Variants in MORF4L2 observed in about 807,000 individuals in gnomAD.
MORF4L2 encodes the protein mortality factor 4-like protein 2.
Under a neutral mutation model 12.0 loss-of-function variants are expected in MORF4L2, and 1 was observed. That is an observed-to-expected ratio of 0.08 (90% CI 0.03 to 0.40). MORF4L2 has a LOEUF of 0.40. MORF4L2 is among the 10% of genes least tolerant of loss of function. MORF4L2 has a pLI of 0.98. For missense variants in MORF4L2, 123 were observed against 214.0 expected, an observed-to-expected ratio of 0.57 and a Z score of 2.65; for synonymous variants, 69 against 81.6, an observed-to-expected ratio of 0.85 and a Z score of 0.83.
intron 2 of MORF4L2, among the ~76,000 whole-genome samples, chrX:103,681,348 CT>C (rs1380825450): frequency 2.7e-5 from 3 of 111,434 alleles, no homozygotes; most frequent in Admixed American, 9.5e-5. Context: ...TAGATTTTTC[CT>C]TTTAAAAAAT....
At chrX:103,687,028 A>G (rs1346857362), upstream of MORF4L2, among the ~76,000 whole-genome samples, 1 of 108,398 alleles carries the variant, frequency 9.2e-6, no homozygotes, top group Non-Finnish European at 1.9e-5. Context: ...ATAAGTCTAC[A>G]GGGCAGAATG....
chrX:103,675,721 G>C lies in MORF4L2; in HGVS notation c.*440C>G, dbSNP rs1170797608. ...AACATAGATGGACTTGCAGAGGATGGGCTGTTTTACTTCAAGCACCATAAA... is the reference window on the plus strand; with the variant it reads ...AACATAGATGGACTTGCAGAGGATGCGCTGTTTTACTTCAAGCACCATAAA... On this transcript the variant is annotated 3_prime_UTR_variant, in exon 4 of 4. Coordinates refer to ENST00000441076, the MANE Select transcript of MORF4L2 (RefSeq NM_012286.3). 1 of 93,911 alleles carries C rather than the reference G, an allele frequency of 1.1e-5. No homozygotes were observed. Among genetic ancestry groups the C allele is most frequent in the Non-Finnish European group, 2.0e-5 (1 of 49,228 alleles). 7.7% of individuals were successfully genotyped at this position (93,911 alleles called of 1,213,427 possible). A position where few individuals can be genotyped will look rare whatever the true frequency, so the allele number is the denominator to read the frequency against.
At chrX:103,687,855 A>G (rs2147712403), upstream of MORF4L2, 1 of 109,366 alleles carries the variant, frequency 9.1e-6, no homozygotes, top group African/African-American at 3.3e-5. Context: ...CCTCCTCCAC[A>G]CCTACCCCCT....
chrX:103,680,258 T>G (rs1221144087), intron 2 of MORF4L2, among the ~76,000 whole-genome samples: 1 of 112,830 alleles, frequency 8.9e-6, no homozygotes, highest in African/African-American at 3.2e-5. Flanking sequence ...GAAAGCCAGT[T>G]ATTGGGAAGA....
chrX:103,680,306 A>G (rs2073960667), intron 2 of MORF4L2, among the ~76,000 whole-genome samples: 1 of 112,987 alleles, frequency 8.9e-6, no homozygotes, highest in African/African-American at 3.2e-5. Flanking sequence ...AGCAAACAAT[A>G]TCCTCTAACT....
At chrX:103,684,370 T>C (rs1337019095) in intron 2 of MORF4L2, among the ~76,000 whole-genome samples, 1 of 111,593 alleles carries the variant, frequency 9.0e-6, no homozygotes, top group Non-Finnish European at 1.9e-5. Context: ...ATTTATAAAT[T>C]TGGTTTGAAC....
intron 2 of MORF4L2, among the ~76,000 whole-genome samples, chrX:103,679,349 CAAA>C (rs35036219): frequency 1.9e-4 from 12 of 63,272 alleles, no homozygotes; most frequent in African/African-American, 3.6e-4. Flanking sequence ...ACTAAAAATA[CAAA>C]AAAAAAAAAA....
chrX:103,677,969 C>A (rs1303699350), intron 3 of MORF4L2, among the ~76,000 whole-genome samples: 1 of 110,933 alleles, frequency 9.0e-6, no homozygotes, highest in African/African-American at 3.3e-5. Context: ...AATGATAATA[C>A]TCCTCCATTT....
intron 2 of MORF4L2, chrX:103,684,553 A>G (rs756398754): frequency 9.2e-6 from 1 of 109,116 alleles, no homozygotes; most frequent in East Asian, 2.8e-4. Flanking sequence ...ATTAATTATT[A>G]TTTTTTTTTT....
intron 1 of MORF4L2, among the ~76,000 whole-genome samples, chrX:103,686,179 G>A (rs1478992112): frequency 9.8e-6 from 1 of 101,959 alleles, no homozygotes; most frequent in Non-Finnish European, 2.0e-5. Context: ...TACAATCTCT[G>A]CTATTTTGAG....
chrX:103,675,932 A>C lies in MORF4L2; in HGVS notation c.*229T>G. 1 of 332,240 alleles carries C rather than the reference A, an allele frequency of 3.0e-6. No homozygotes were observed. Among genetic ancestry groups the C allele is most frequent in the Non-Finnish European group, 5.2e-6 (1 of 193,783 alleles). 27.4% of individuals were successfully genotyped at this position (332,240 alleles called of 1,213,427 possible). A position where few individuals can be genotyped will look rare whatever the true frequency, so the allele number is the denominator to read the frequency against. On this transcript the variant is annotated 3_prime_UTR_variant, in exon 4 of 4. Transcript: ENST00000441076. ...AACTAGGCAATAAAATGTTCTACTGAATGTTTCTTCTTTGTTCTAATTACT... is the reference window on the plus strand; with the variant it reads ...AACTAGGCAATAAAATGTTCTACTGCATGTTTCTTCTTTGTTCTAATTACT...
At chrX:103,681,571 T>C (rs2073985315) in intron 2 of MORF4L2, among the ~76,000 whole-genome samples, 1 of 111,392 alleles carries the variant, frequency 9.0e-6, no homozygotes, top group Non-Finnish European at 1.9e-5. Flanking sequence ...CTTCCTTTTG[T>C]TCCTTTAAGA....
Position 103,676,264 on chromosome X carries a change from T to A in MORF4L2, c.764A>T (p.Tyr255Phe). Reference protein sequence around the residue: ...DEKSLALLLGYLHDFLKYLAK... With the variant: ...DEKSLALLLGFLHDFLKYLAK... The stretch of plus-strand genomic sequence containing the variant: ...CAGATATTTTAGGAAATCATGCAAA[T>A]AGCCCAACAATAATGCAAGGCTTTT... Residue 255 changes from tyrosine (Y) to phenylalanine (F), a missense_variant, in exon 4 of 4, where the codon TAT (tyrosine) becomes TTT (phenylalanine). Transcript: ENST00000441076. 1 of 1,210,934 alleles carries A rather than the reference T, an allele frequency of 8.3e-7. No homozygotes were observed. The highest frequency in any genetic ancestry group is 1.1e-6 in the Non-Finnish European group (1 of 894,986).
chrX:103,687,691 T>G (rs2074148428), upstream of MORF4L2, among the ~76,000 whole-genome samples: 1 of 112,404 alleles, frequency 8.9e-6, no homozygotes, highest in African/African-American at 3.2e-5. Flanking sequence ...ACTGATTTAA[T>G]TACTTTAAAA....
chrX:103,684,357 C>T (rs1432704158), intron 2 of MORF4L2, among the ~76,000 whole-genome samples: 1 of 110,973 alleles, frequency 9.0e-6, no homozygotes, highest in Non-Finnish European at 1.9e-5. Context: ...AAAAGATTTG[C>T]TTATTTATAA....
chrX:103,681,751 T>C lies in MORF4L2; in HGVS notation c.-177-3100A>G, dbSNP rs189303417. 5.7e-3 allele frequency among the ~76,000 whole-genome samples: 635 copies of C among 111,785 alleles called. 9 individuals are homozygous for C. The highest frequency in any genetic ancestry group is 0.02 in the African/African-American group (614 of 30,717). ...TGGGGATCATTTAAAAAATTTTTTT[T>C]CCTTTCATTTTTAAGTTTAAAAATT... is the stretch of plus-strand genomic sequence containing the variant. On this transcript the variant is annotated intron_variant, in intron 2 of 3. Coordinates refer to ENST00000441076, the MANE Select transcript of MORF4L2 (RefSeq NM_012286.3).
chrX:103,688,015 A>G (rs966712404), upstream of MORF4L2: 1 of 111,500 alleles, frequency 9.0e-6, no homozygotes, highest in Non-Finnish European at 1.9e-5. Flanking sequence ...CCAAGCAAGC[A>G]CACTGACCTT....
At chrX:103,687,231 G>A (rs1165665112), upstream of MORF4L2, 1 of 110,877 alleles carries the variant, frequency 9.0e-6, no homozygotes, top group African/African-American at 3.3e-5. Context: ...TCCCGCGAGT[G>A]GGGAAGCGCG....
Position 103,676,876 on chromosome X carries a change from A to T in MORF4L2, c.152T>A (p.Leu51His), listed in dbSNP as rs756239519. ...KKTAGPQQKN[L>H]EPALPGRWGG... The stretch of plus-strand genomic sequence containing the variant: ...CCATCTTCCTGGGAGAGCTGGTTCA[A>T]GATTTTTCTGCTGTGGACCAGCTGT... Residue 51 changes from leucine to histidine, a missense_variant, in exon 4 of 4, where the codon CTT becomes CAT. Transcript: ENST00000441076. 1.7e-6 allele frequency: 2 copies of T among 1,208,279 alleles called. No homozygotes were observed. Among genetic ancestry groups the T allele is most frequent in the Admixed American group, 4.4e-5 (2 of 45,511 alleles).
Sources: allele counts gnomAD v4.1 joint callset (sites outside exome capture counted in the v4.1 genomes callset), GRCh38; gene constraint gnomAD v4.1.1; transcripts MANE v1.5; gene names NCBI Gene and HGNC (gene_info 2026-07-23, HGNC 2026-07-21).